Variants in USP8 observed in about 807,000 individuals in gnomAD.
USP8 encodes the protein ubiquitin specific peptidase 8, also known as ubiquitin carboxyl-terminal hydrolase 8.
USP8 carries 27 observed loss-of-function variants against 130.0 expected under a neutral mutation model. That is an observed-to-expected ratio of 0.21 (90% CI 0.15 to 0.29). The LOEUF (loss-of-function observed/expected upper bound fraction) is 0.29. Ranked by LOEUF, USP8 falls within the 10% of genes least tolerant of loss-of-function variation. The pLI, the probability that USP8 is intolerant of heterozygous loss-of-function variation, is 1.00. For missense variants in USP8, 1,029 were observed against 1,312.2 expected, an observed-to-expected ratio of 0.78 and a Z score of 3.33; for synonymous variants, 392 against 444.1, an observed-to-expected ratio of 0.88 and a Z score of 1.48.
intron 11 of USP8, 124 bp from the exon 12 acceptor site, chr15:50,484,151 A>G: frequency 1.5e-5 from 10 of 650,544 alleles, no homozygotes; most frequent in Non-Finnish European, 2.5e-5. Flanking sequence ...TAAAATTTTC[A>G]GAGGCCTTTT....
chr15:50,488,552 C>CTTTTTTTTT (rs397853938), intron 12 of USP8, among the ~76,000 whole-genome samples: 1 of 70,940 alleles, frequency 1.4e-5, no homozygotes, highest in African/African-American at 5.8e-5. Context: ...TCAAGGTTGG[C>CTTTTTTTTT]TTTTTTTTTT....
In USP8 at chr15:50,494,154, T is replaced by C. The variant is rs770928016; in HGVS notation, c.2532T>C (p.Tyr844=). The change falls in exon 16 of 20, where the codon TAT becomes TAC. Residue 844 remains tyrosine, a synonymous_variant. Coordinates refer to ENST00000307179, the MANE Select transcript of USP8 (RefSeq NM_005154.5). ...CCCTGTGGACAGGACAGTATAGATA[T>C]ATCAGTCCAAAGGACTTTAAAATCA... ...MKALWTGQYR[Y]ISPKDFKITI... 14 of 1,613,138 alleles carry C rather than the reference T, an allele frequency of 8.7e-6. No homozygotes were observed. The highest frequency in any genetic ancestry group is 1.2e-5 in the Non-Finnish European group (14 of 1,179,912).
chr15:50,512,637 T>C lies in USP8; in HGVS notation c.*13549T>C, dbSNP rs1187104522. ...AAACCACATCTCTACTAAAAATATT[T>C]TTAAAAATTAGCCAGGCATGGTGGT... On this transcript the variant is annotated 3_prime_UTR_variant, in exon 20 of 20. Transcript: ENST00000307179. 6.6e-6 allele frequency: 1 copy of C among 151,648 alleles called. No homozygotes were observed. The highest frequency in any genetic ancestry group is 1.9e-4 in the East Asian group (1 of 5,150). 9.4% of individuals were successfully genotyped at this position (151,648 alleles called of 1,614,324 possible).
At chr15:50,443,834 G>T (rs1223525228) in intron 3 of USP8, among the ~76,000 whole-genome samples, 2 of 152,018 alleles carry the variant, frequency 1.3e-5, no homozygotes, top group African/African-American at 4.8e-5. Flanking sequence ...GCATTTGGAG[G>T]TTCATTCATC....
chr15:50,462,303 ATG>A lies in USP8; in HGVS notation c.525_526del (p.Cys175Ter), dbSNP rs1454169875. On this transcript the variant is annotated frameshift_variant, in exon 6 of 20. Coordinates refer to ENST00000307179, the MANE Select transcript of USP8 (RefSeq NM_005154.5). LOFTEE classifies it high-confidence loss of function. ...AGAGCAATGGTGAAAAGAATGAAAAATGTGAGACCAAAGAGAAAGGTAAGTGT... is the reference window on the plus strand; with the variant it reads ...AGAGCAATGGTGAAAAGAATGAAAAATGAGACCAAAGAGAAAGGTAAGTGT... ...QKSNGEKNEK[C>X]ETKEKGAITA... The A allele has an allele frequency of 6.2e-7, 1 of 1,603,132 alleles. No individual in the cohort carries two copies. Among genetic ancestry groups the A allele is most frequent in the Non-Finnish European group, 8.5e-7 (1 of 1,177,280 alleles).
chr15:50,477,153 G>C, intron 9 of USP8, 123 bp from the exon 10 acceptor site: 4 of 1,321,842 alleles, frequency 3.0e-6, no homozygotes, highest in Non-Finnish European at 4.1e-6. Context: ...TTTTCTTTAA[G>C]ACTGTTGTAA....
chr15:50,456,183 A>G (rs1352876761), intron 4 of USP8, among the ~76,000 whole-genome samples: 1 of 152,198 alleles, frequency 6.6e-6, no homozygotes, highest in Non-Finnish European at 1.5e-5. Flanking sequence ...GCATTTTTAA[A>G]GTAGAGTGTC....
chr15:50,450,256 A>G (rs1222809630), intron 4 of USP8, among the ~76,000 whole-genome samples: 2 of 151,858 alleles, frequency 1.3e-5, no homozygotes, highest in Non-Finnish European at 2.9e-5. Context: ...TCAATTCTTC[A>G]TATGTTCTTT....
chr15:50,496,164 T>G (rs1365620432), intron 17 of USP8, 80 bp downstream of exon 17: 5 of 1,173,572 alleles, frequency 4.3e-6, no homozygotes. Context: ...AAATTTCTGG[T>G]CTTTACCCTT....
intron 3 of USP8, among the ~76,000 whole-genome samples, chr15:50,449,062 A>G (rs967420969): frequency 6.6e-6 from 1 of 152,198 alleles, no homozygotes; most frequent in Non-Finnish European, 1.5e-5. Flanking sequence ...CTAGGTACAT[A>G]TTTTTAATAA....
intron 1 of USP8, among the ~76,000 whole-genome samples, chr15:50,427,683 C>G (rs568033027): frequency 6.6e-6 from 1 of 151,374 alleles, no homozygotes; most frequent in African/African-American, 2.4e-5. Context: ...CTTCAGCCTC[C>G]CGAGTAGCTG....
intron 4 of USP8, among the ~76,000 whole-genome samples, chr15:50,450,174 C>T (rs1415622680): frequency 6.6e-6 from 1 of 151,904 alleles, no homozygotes; most frequent in African/African-American, 2.4e-5. Flanking sequence ...AGATTACAGG[C>T]GTGAGCCACC....
rs1312380289 is a variant in USP8, at chr15:50,497,205, A to C, written c.3012A>C (p.Pro1004=). 6.2e-7 allele frequency: 1 copy of C among 1,609,834 alleles called. No individual in the cohort carries two copies. Residue 1004 remains proline (P), a synonymous_variant, in exon 18 of 20, where the codon CCA becomes CCC. Transcript: ENST00000307179. ...SLKKIEIWKL[P]PVLLVHLKRF... ...AAAAGATAGAAATCTGGAAGTTACC[A>C]CCTGTGCTTTTAGTGCATCTGAAAC... is the stretch of plus-strand genomic sequence containing the variant.
chr15:50,462,279 G>C lies in USP8; in HGVS notation c.499-1G>C. 1.2e-6 allele frequency: 2 copies of C among 1,600,546 alleles called. No homozygotes were observed. The highest frequency in any genetic ancestry group is 1.7e-6 in the Non-Finnish European group (2 of 1,176,240). On this transcript the variant is annotated splice_acceptor_variant, in intron 5 of 19. Coordinates refer to ENST00000307179, the MANE Select transcript of USP8 (RefSeq NM_005154.5). LOFTEE classifies it high-confidence loss of function. Reference sequence around the variant, plus strand: ...AACTTTTTTTTTTTCCTATGCAATAGAGCAATGGTGAAAAGAATGAAAAAT... The same window carrying C: ...AACTTTTTTTTTTTCCTATGCAATACAGCAATGGTGAAAAGAATGAAAAAT...
intron 1 of USP8, among the ~76,000 whole-genome samples, chr15:50,430,262 G>C (rs1008889996): frequency 2.0e-5 from 3 of 152,060 alleles, no homozygotes; most frequent in Non-Finnish European, 4.4e-5. Flanking sequence ...CAAGAGAATC[G>C]CTTGAACCGG....
chr15:50,487,559 G>A (rs530791138), intron 12 of USP8, among the ~76,000 whole-genome samples: 1 of 152,318 alleles, frequency 6.6e-6, no homozygotes, highest in South Asian at 2.1e-4. Context: ...ACCAGCTACA[G>A]CCAAGGTCTT....
At position 50,500,731 on chromosome 15, in the gene USP8, TCTGG is replaced by T; in HGVS notation, c.*1644_*1647del. On this transcript the variant is annotated 3_prime_UTR_variant, in exon 20 of 20. Transcript: ENST00000307179. Reference sequence around the variant, plus strand: ...ATCCATAGCATTTTGAACAGAAGTATCTGGAATCTCACTGACTCGTGTGTTATCA... The same window carrying T: ...ATCCATAGCATTTTGAACAGAAGTATAATCTCACTGACTCGTGTGTTATCA... 1 of 1,548,954 alleles carries T rather than the reference TCTGG, an allele frequency of 6.5e-7. No individual in the cohort carries two copies. The highest frequency in any genetic ancestry group is 1.4e-5 in the African/African-American group (1 of 73,664).
At position 50,496,061 on chromosome 15, in the gene USP8, T is replaced by C; in HGVS notation, c.2872T>C (p.Ser958Pro). The C allele has an allele frequency of 6.2e-7, 1 of 1,612,568 alleles. No individual in the cohort carries two copies. Among genetic ancestry groups the C allele is most frequent in the South Asian group, 1.1e-5 (1 of 90,816 alleles). ...CATGTATTTGTCTCTACCACTAGCA[T>C]CCACAAGTAAATGTACATTACAGGT... ...AFMYLSLPLA[S>P]TSKCTLQDCL... The change falls in exon 17 of 20, where the codon TCC (serine) becomes CCC (proline). Residue 958 changes from serine (S) to proline (P), a missense_variant. Physicochemically the swap from Ser to Pro is moderately conservative, Grantham distance 74. Coordinates refer to ENST00000307179, the MANE Select transcript of USP8 (RefSeq NM_005154.5).
intron 12 of USP8, among the ~76,000 whole-genome samples, chr15:50,486,285 A>G (rs1382908955): frequency 6.6e-6 from 1 of 152,018 alleles, no homozygotes; most frequent in African/African-American, 2.4e-5. Context: ...GGAGTTCAAG[A>G]CCAGCCTGGG....
Sources: allele counts gnomAD v4.1 joint callset (sites outside exome capture counted in the v4.1 genomes callset), GRCh38; gene constraint gnomAD v4.1.1; transcripts MANE v1.5; gene names NCBI Gene and HGNC (gene_info 2026-07-23, HGNC 2026-07-21).